DYSF: variants seen among roughly 807,000 people sequenced by gnomAD.
The protein encoded by DYSF is dystrophy-associated fer-1-like 1.
DYSF carries 212 observed loss-of-function variants against 274.9 expected under a neutral mutation model. That is an observed-to-expected ratio of 0.77 (90% CI 0.69 to 0.86). The LOEUF (loss-of-function observed/expected upper bound fraction) is 0.86, where lower values mean the gene tolerates loss of function less well. DYSF is among the 40% of genes least tolerant of loss of function. The pLI, the probability that DYSF is intolerant of heterozygous loss-of-function variation, is 0.00. For synonymous variants in DYSF, 1,091 were observed against 1,078.7 expected (o/e 1.01, Z -0.22); for missense variants, 2,666 against 2,783.2 (o/e 0.96, Z 0.95).
chr2:71,491,869 A>T (rs1391509575), intron 3 of DYSF, among the ~76,000 whole-genome samples: 3 of 152,126 alleles, frequency 2.0e-5, no homozygotes, highest in African/African-American at 7.2e-5. Flanking sequence ...TGCTGCAATG[A>T]ACATACATAG....
At chr2:71,483,774 G>A (rs2083132452) in intron 3 of DYSF, among the ~76,000 whole-genome samples, 2 of 152,106 alleles carry the variant, frequency 1.3e-5, no homozygotes, top group Admixed American at 6.5e-5. Context: ...TTTCTTGAAG[G>A]CTAGTGATGG....
At chr2:71,528,879 G>T (rs1295279809) in intron 14 of DYSF, among the ~76,000 whole-genome samples, 5 of 152,170 alleles carry the variant, frequency 3.3e-5, no homozygotes, top group African/African-American at 1.2e-4. Flanking sequence ...AGGCGGGACT[G>T]TGGCTCCAGT....
intron 4 of DYSF, among the ~76,000 whole-genome samples, chr2:71,505,746 C>T (rs72827517): frequency 0.017 from 2,553 of 152,314 alleles, 30 homozygotes; most frequent in Non-Finnish European, 0.027. Context: ...GCAGCATCCT[C>T]TCAGATGTAT....
At chr2:71,533,923 T>C (rs1014298371) in intron 14 of DYSF, among the ~76,000 whole-genome samples, 1 of 152,238 alleles carries the variant, frequency 6.6e-6, no homozygotes, top group Admixed American at 6.5e-5. Flanking sequence ...TCTCTTCCAC[T>C]CTTTGCTCTT....
chr2:71,600,352 C>T (rs1182236325), intron 33 of DYSF, among the ~76,000 whole-genome samples: 1 of 152,250 alleles, frequency 6.6e-6, no homozygotes, highest in African/African-American at 2.4e-5. Context: ...ACCTGTACTG[C>T]TGAGCGCATT....
chr2:71,600,471 C>T (rs907766466), intron 33 of DYSF, among the ~76,000 whole-genome samples: 1 of 152,220 alleles, frequency 6.6e-6, no homozygotes, highest in South Asian at 2.1e-4. Flanking sequence ...AGAGGGACTT[C>T]CCGACCATGA....
chr2:71,499,622 A>T (rs1166660553), intron 3 of DYSF, among the ~76,000 whole-genome samples: 1 of 152,140 alleles, frequency 6.6e-6, no homozygotes, highest in African/African-American at 2.4e-5. Context: ...TTTGGGAACT[A>T]GTTCTTTTTC....
At chr2:71,504,740 C>T (rs924823023) in intron 4 of DYSF, among the ~76,000 whole-genome samples, 1 of 152,226 alleles carries the variant, frequency 6.6e-6, no homozygotes, top group African/African-American at 2.4e-5. Flanking sequence ...GTGTTTCCTG[C>T]CCTTCGGTCC....
intron 42 of DYSF, among the ~76,000 whole-genome samples, chr2:71,653,412 A>C (rs546420459): frequency 8.5e-5 from 13 of 152,210 alleles, no homozygotes; most frequent in Non-Finnish European, 1.9e-4. Flanking sequence ...AACCAACCCA[A>C]ATGTCCAACA....
At chr2:71,629,213 C>T (rs2094269909) in intron 41 of DYSF, among the ~76,000 whole-genome samples, 1 of 152,106 alleles carries the variant, frequency 6.6e-6, no homozygotes, top group South Asian at 2.1e-4. Context: ...TGATCTTTAG[C>T]AGTTTCTAAT....
intron 42 of DYSF, among the ~76,000 whole-genome samples, chr2:71,655,050 C>T (rs2094742241): frequency 6.6e-6 from 1 of 152,134 alleles, no homozygotes; most frequent in African/African-American, 2.4e-5. Flanking sequence ...ATGATTGCAC[C>T]ACTGCACTCC....
intron 55 of DYSF, among the ~76,000 whole-genome samples, chr2:71,683,692 A>G (rs1015773942): frequency 2.0e-5 from 3 of 152,166 alleles, no homozygotes; most frequent in Non-Finnish European, 4.4e-5. Context: ...GCTCACTGTG[A>G]TTCCCACTTC....
Position 71,513,335 on chromosome 2 carries a change from G to A in DYSF, c.553+3G>A. 1 of 1,551,588 alleles carries A rather than the reference G, an allele frequency of 6.4e-7. No homozygotes were observed. The highest frequency in any genetic ancestry group is 2.4e-5 in the East Asian group (1 of 40,916). Reference sequence around the variant, plus strand: ...AAAGAAGTGGCCGGCCCCCACGGGTGAGACACGGGCCAGGACTGTCCTGAT... The same window carrying A: ...AAAGAAGTGGCCGGCCCCCACGGGTAAGACACGGGCCAGGACTGTCCTGAT... On this transcript the variant is annotated splice_donor_region_variant and intron_variant, in intron 6 of 55. Transcript: ENST00000410020.
rs1042994075 is a variant in DYSF at position 71,615,472 on chromosome 2, A to G, written c.4464+2062A>G. On this transcript the variant is annotated intron_variant, in intron 40 of 55. Transcript: ENST00000410020. This position sits in a 1 kb window ranked among gnomAD's most constrained non-coding sequence, Gnocchi z 4.9. The stretch of plus-strand genomic sequence containing the variant: ...ATGAAAGAGACAAAACTCTGTTCTC[A>G]AAAGCCTCAAACCCAGCAGGGAGAC... 6.6e-6 allele frequency among the ~76,000 whole-genome samples: 1 copy of G among 152,186 alleles called. No homozygotes were observed. Among genetic ancestry groups the G allele is most frequent in the African/African-American group, 2.4e-5 (1 of 41,446 alleles).
At chr2:71,645,704 A>C (rs1214390891) in intron 42 of DYSF, among the ~76,000 whole-genome samples, 1 of 151,878 alleles carries the variant, frequency 6.6e-6, no homozygotes, top group Admixed American at 6.6e-5. Context: ...TCTACCCAGC[A>C]CTTACCTGAC....
chr2:71,533,430 A>C (rs985228515), intron 14 of DYSF, among the ~76,000 whole-genome samples: 4 of 152,160 alleles, frequency 2.6e-5, no homozygotes, highest in Admixed American at 6.5e-5. Context: ...TCACGTCACT[A>C]CCTAGAGGCA....
intron 41 of DYSF, among the ~76,000 whole-genome samples, chr2:71,629,021 C>T (rs913428025): frequency 2.6e-5 from 4 of 152,014 alleles, no homozygotes; most frequent in Admixed American, 6.6e-5. Flanking sequence ...TTTATTCATT[C>T]TGAGCAATTC....
intron 1 of DYSF, among the ~76,000 whole-genome samples, chr2:71,460,235 G>T (rs939512265): frequency 3.9e-5 from 6 of 152,186 alleles, no homozygotes; most frequent in African/African-American, 1.4e-4. Flanking sequence ...TGACAACGTG[G>T]TCCATGATGG....
In DYSF at chr2:71,598,648, C is replaced by T. The variant is rs1294912316; in HGVS notation, c.3659C>T (p.Thr1220Met). The T allele has an allele frequency of 1.9e-5, 31 of 1,614,192 alleles. No individual in the cohort carries two copies. Among genetic ancestry groups the T allele is most frequent in the East Asian group, 2.2e-5 (1 of 44,884 alleles). Residue 1220 changes from threonine to methionine, a missense_variant, in exon 33 of 56, where the codon ACG (threonine) becomes ATG (methionine). By Grantham distance (81) the Thr-to-Met change is moderately conservative. Transcript: ENST00000410020. ...KNTLNPTWDQ[T>M]LIFYEIEIFG... ...ACCCTTAACCCCACCTGGGACCAGA[C>T]GCTCATCTTCTACGAGATCGAGATC...
Sources: gnomAD v4.1 joint callset for allele counts (sites outside exome capture counted in the v4.1 genomes callset) on GRCh38, gnomAD v4.1.1 for gene constraint, Gnocchi (gnomAD v3.1) non-coding constraint, MANE v1.5 for transcripts, NCBI Gene and HGNC (gene_info 2026-07-23, HGNC 2026-07-21) for gene names.